DIPK1A: variants seen among roughly 807,000 people sequenced by gnomAD.
DIPK1A encodes family with sequence similarity 69 member A.
DIPK1A carries 27 observed loss-of-function variants against 40.8 expected under a neutral mutation model. That is an observed-to-expected ratio of 0.66 (90% CI 0.49 to 0.91). The LOEUF is 0.91. Ranked by LOEUF, DIPK1A falls within the 40% of genes least tolerant of loss-of-function variation. The probability of loss-of-function intolerance (pLI) is 0.00; values close to 1 mark genes in which losing one functional copy is unlikely to be tolerated. For synonymous variants in DIPK1A, 166 were observed against 171.3 expected, an observed-to-expected ratio of 0.97 and a Z score of 0.24; for missense variants, 412 against 505.7, an observed-to-expected ratio of 0.81 and a Z score of 1.78.
intron 1 of DIPK1A, among the ~76,000 whole-genome samples, chr1:92,935,950 A>G (rs988915040): frequency 6.6e-6 from 1 of 151,780 alleles, no homozygotes; most frequent in Non-Finnish European, 1.5e-5. Flanking sequence ...TGGAACATCT[A>G]CTCTGGTGGC....
downstream of DIPK1A, chr1:92,837,288 T>C (rs776791785): frequency 1.8e-5 from 14 of 779,814 alleles, no homozygotes; most frequent in South Asian, 1.2e-4. Flanking sequence ...AGAGATGAGC[T>C]GCTGAATGAT....
At chr1:92,833,445 T>C (rs1558283838) in intron 4 of DIPK1A, 1 of 1,614,112 alleles carries the variant, frequency 6.2e-7, no homozygotes. Context: ...AAGTGAAATT[T>C]AGAAGACGAC....
At chr1:92,833,480 T>C in intron 4 of DIPK1A, 1 of 1,613,540 alleles carries the variant, frequency 6.2e-7, no homozygotes, top group Non-Finnish European at 8.5e-7. Context: ...TTTTTGTGTT[T>C]ACAATATTAA....
intron 1 of DIPK1A, among the ~76,000 whole-genome samples, chr1:92,957,270 G>A (rs1378302861): frequency 6.6e-6 from 1 of 152,176 alleles, no homozygotes; most frequent in African/African-American, 2.4e-5. Flanking sequence ...CAGGCCACAA[G>A]TAGTATGCAC....
At chr1:92,889,332 G>T (rs2481713) in intron 1 of DIPK1A, among the ~76,000 whole-genome samples, 108,612 of 152,060 alleles carry the variant, frequency 0.71, 39,607 homozygotes, top group East Asian at 0.95. Flanking sequence ...CTGGGTTCTG[G>T]GTTCTGTACC....
rs1182621242 is a variant in DIPK1A, at chr1:92,847,239, G to A, written c.418C>T (p.Pro140Ser). Residue 140 changes from proline (P) to serine (S), a missense_variant, in exon 4 of 5, where the codon CCA becomes TCA. By Grantham distance (74) the Pro-to-Ser change is moderately conservative (BLOSUM62 -1). Transcript: ENST00000370310. ...PRKEIVLFDK[P>S]TRGTTVQKFK... Reference sequence around the variant, plus strand: ...TTTTGTACAGTAGTTCCTCTAGTTGGCTTATCAAATAGCACTATTTCTTTT... The same window carrying A: ...TTTTGTACAGTAGTTCCTCTAGTTGACTTATCAAATAGCACTATTTCTTTT... 1.2e-6 allele frequency: 2 copies of A among 1,607,104 alleles called. No individual in the cohort carries two copies. Among genetic ancestry groups the A allele is most frequent in the East Asian group, 4.5e-5 (2 of 44,656 alleles).
intron 1 of DIPK1A, among the ~76,000 whole-genome samples, chr1:92,955,685 G>A (rs1211771889): frequency 7.1e-6 from 1 of 140,292 alleles, no homozygotes; most frequent in Non-Finnish European, 1.5e-5. Flanking sequence ...GTGACAGAGT[G>A]AGACTCTGTC....
At chr1:92,836,228 C>T in intron 4 of DIPK1A, 1 of 1,613,040 alleles carries the variant, frequency 6.2e-7, no homozygotes, top group Non-Finnish European at 8.5e-7. Context: ...TCTATGAAGG[C>T]CAAGTGGAGG....
intron 4 of DIPK1A, among the ~76,000 whole-genome samples, 153 bp from the exon 5 acceptor site, chr1:92,844,348 TATG>T (rs1161160921): frequency 6.6e-6 from 1 of 152,240 alleles, no homozygotes; most frequent in Admixed American, 6.5e-5. Context: ...TCCAAATATT[TATG>T]ATACTTCCTA....
At chr1:92,932,035 GA>G in intron 1 of DIPK1A, 1 of 541,686 alleles carries the variant, frequency 1.8e-6, no homozygotes, top group Non-Finnish European at 3.4e-6. Flanking sequence ...TGGGTTTGAA[GA>G]AAATAAAATT....
chr1:92,834,690 A>C, intron 4 of DIPK1A: 2 of 1,538,120 alleles, frequency 1.3e-6, no homozygotes, highest in Non-Finnish European at 1.8e-6. Context: ...TGTGTCCATC[A>C]ATGTTTTTTT....
At chr1:92,880,932 T>G (rs1272629561) in intron 1 of DIPK1A, among the ~76,000 whole-genome samples, 1 of 148,020 alleles carries the variant, frequency 6.8e-6, no homozygotes, top group Non-Finnish European at 1.5e-5. Flanking sequence ...TGGCTCACGC[T>G]TGTAATCTCA....
chr1:92,891,734 G>A (rs1648891940), intron 1 of DIPK1A, among the ~76,000 whole-genome samples: 2 of 152,188 alleles, frequency 1.3e-5, no homozygotes, highest in Admixed American at 6.5e-5. Context: ...GGAAGAGGAA[G>A]GGGTCAGGGA....
At position 92,876,300 on chromosome 1, in the gene DIPK1A, A is replaced by G; in HGVS notation, c.185T>C (p.Ile62Thr). 1.3e-6 allele frequency: 2 copies of G among 1,525,562 alleles called. No individual in the cohort carries two copies. The highest frequency in any genetic ancestry group is 1.8e-6 in the Non-Finnish European group (2 of 1,129,986). The allele number at this position is 1,525,562 out of a possible 1,614,324, so 94.5% of individuals were successfully genotyped here. A position where few individuals can be genotyped will look rare whatever the true frequency, so the allele number is the denominator to read the frequency against. ...ELCRGKDCKKIICDKYKTGVI... is the reference protein window; with the variant it reads ...ELCRGKDCKKTICDKYKTGVI... ...CAGGAAATTTAAAATACTTACTATT[A>G]TTTTCTTACAGTCCTTTCCTCTGCA... Residue 62 changes from isoleucine (I) to threonine (T), a missense_variant, in exon 2 of 5, where the codon ATA (isoleucine) becomes ACA (threonine). Physicochemically the swap from Ile to Thr is moderately conservative, Grantham distance 89. Transcript: ENST00000370310.
chr1:92,843,902 G>A lies in DIPK1A; in HGVS notation c.768C>T (p.Ser256=), dbSNP rs1687485313. Residue 256 remains serine, a synonymous_variant, in exon 5 of 5, where the codon AGC becomes AGT. Transcript: ENST00000370310. ...ELFIPSGFRR[S]MDQLFTPSWP... is the part of the protein sequence containing the mutation. ...ATGATGGTGTGAACAGCTGATCCATGCTTCTTCTGAACCCAGATGGAATAA... is the reference window on the plus strand; with the variant it reads ...ATGATGGTGTGAACAGCTGATCCATACTTCTTCTGAACCCAGATGGAATAA... 1.9e-6 allele frequency: 3 copies of A among 1,551,624 alleles called. No individual in the cohort carries two copies. Among genetic ancestry groups the A allele is most frequent in the Middle Eastern group, 1.7e-4 (1 of 6,016 alleles).
chr1:92,903,066 A>G lies in DIPK1A; in HGVS notation c.55-26636T>C, dbSNP rs553408087. The stretch of plus-strand genomic sequence containing the variant: ...ATGTTACACTGCTTTCTTTTTATTT[A>G]TTTTTTGAAACAGGATCTCACTCTA... On this transcript the variant is annotated intron_variant, in intron 1 of 4. Transcript: ENST00000370310. 7.9e-5 allele frequency among the ~76,000 whole-genome samples: 12 copies of G among 151,998 alleles called. No homozygotes were observed. The East Asian group carries it at 1.9e-3, about 25-fold the overall frequency.
intron 1 of DIPK1A, among the ~76,000 whole-genome samples, chr1:92,881,818 A>G: frequency 6.6e-6 from 1 of 152,246 alleles, no homozygotes; most frequent in East Asian, 1.9e-4. Flanking sequence ...TTGTTATCTC[A>G]AAATGTCAAG....
At chr1:92,851,566 CT>C (rs1190328556) in intron 2 of DIPK1A, among the ~76,000 whole-genome samples, 1 of 38,640 alleles carries the variant, frequency 2.6e-5, no homozygotes, top group Non-Finnish European at 6.0e-5. Context: ...AAAAAAACTT[CT>C]GGTTTTAAAA....
chr1:92,942,983 C>T (rs574465386), intron 1 of DIPK1A, among the ~76,000 whole-genome samples: 1 of 152,254 alleles, frequency 6.6e-6, no homozygotes, highest in African/African-American at 2.4e-5. Context: ...TTATGTAATG[C>T]TTAAATAGAC....
Sources: gnomAD v4.1 joint callset for allele counts (sites outside exome capture counted in the v4.1 genomes callset) on GRCh38, gnomAD v4.1.1 for gene constraint, MANE v1.5 for transcripts, NCBI Gene and HGNC (gene_info 2026-07-23, HGNC 2026-07-21) for gene names.